Variants in TLCD5 observed in about 807,000 individuals in gnomAD.
The protein encoded by TLCD5 is TLC domain-containing protein 5.
A neutral mutation model predicts 20.5 loss-of-function variants in TLCD5; 15 were observed. The observed-to-expected ratio is 0.73, with a 90% confidence interval of 0.49 to 1.13. The LOEUF (loss-of-function observed/expected upper bound fraction) is 1.13. Among genes scored for constraint, TLCD5 ranks in the 50% most tolerant of loss-of-function variants. The pLI is 0.00. For missense variants in TLCD5, 289 were observed against 305.6 expected (o/e 0.95, Z 0.41); for synonymous variants, 107 against 114.7 (o/e 0.93, Z 0.43).
At chr11:120,329,166 A>G (rs1942093887) in intron 2 of TLCD5, among the ~76,000 whole-genome samples, 1 of 151,406 alleles carries the variant, frequency 6.6e-6, no homozygotes. Flanking sequence ...ATATTGGATT[A>G]CTCTAATTAC....
At chr11:120,328,273 G>A (rs1016743935) in intron 2 of TLCD5, among the ~76,000 whole-genome samples, 2 of 152,014 alleles carry the variant, frequency 1.3e-5, no homozygotes, top group Non-Finnish European at 2.9e-5. Context: ...AGTAGAGATG[G>A]GGTTTCACTG....
intron 2 of TLCD5, 114 bp downstream of exon 2, chr11:120,327,754 A>G: frequency 4.6e-6 from 5 of 1,080,452 alleles, no homozygotes; most frequent in South Asian, 3.7e-5. Flanking sequence ...ATAATTTTGT[A>G]TTGGAATCCT....
chr11:120,328,037 G>A (rs921237093), intron 2 of TLCD5, among the ~76,000 whole-genome samples: 4 of 151,854 alleles, frequency 2.6e-5, no homozygotes, highest in Non-Finnish European at 5.9e-5. Flanking sequence ...AGGATGAGAT[G>A]TTCCTTATCC....
chr11:120,329,977 G>C lies in TLCD5; in HGVS notation c.200G>C (p.Gly67Ala). Residue 67 changes from glycine to alanine, a missense_variant and splice_region_variant, in exon 3 of 3, where the codon GGC becomes GCC. By Grantham distance (60) the Gly-to-Ala change is moderately conservative. Coordinates refer to ENST00000375095, the MANE Select transcript of TLCD5 (RefSeq NM_001198671.2). ...TTGCTTCTGTCTTGGTTTGTTTCAG[G>C]CTCACCCAATACACCTCTCCAAGTT... ...IDGPWPFTHP[G>A]SPNTPLQVHV... 6.2e-7 allele frequency: 1 copy of C among 1,609,418 alleles called. No homozygotes were observed. The highest frequency in any genetic ancestry group is 8.5e-7 in the Non-Finnish European group (1 of 1,176,892).
chr11:120,327,001 C>G (rs1942015431), intron 1 of TLCD5: 1 of 247,046 alleles, frequency 4.0e-6, no homozygotes, highest in Non-Finnish European at 7.9e-6. Flanking sequence ...GTCATGTGAC[C>G]TCTAGCAGAA....
At chr11:120,327,400 G>A in intron 1 of TLCD5, 41 bp from the exon 2 acceptor site, 2 of 1,614,040 alleles carry the variant, frequency 1.2e-6, no homozygotes, top group East Asian at 4.5e-5. Context: ...TTTTCTTAGG[G>A]TGCATCCTTT....
At chr11:120,329,362 C>T (rs1267845936) in intron 2 of TLCD5, among the ~76,000 whole-genome samples, 1 of 152,096 alleles carries the variant, frequency 6.6e-6, no homozygotes, top group Non-Finnish European at 1.5e-5. Context: ...TGAGTTTCCC[C>T]CCAAACTGTC....
chr11:120,326,362 T>A (rs1942001591), intron 1 of TLCD5, among the ~76,000 whole-genome samples: 1 of 152,204 alleles, frequency 6.6e-6, no homozygotes, highest in Non-Finnish European at 1.5e-5. Context: ...AGATGAAAGC[T>A]GTACAGAACT....
At position 120,327,580 on chromosome 11, in the gene TLCD5, T is replaced by A; in HGVS notation, c.139T>A (p.Ser47Thr). The change falls in exon 2 of 3, where the codon TCT becomes ACT. Residue 47 changes from serine (S) to threonine (T), a missense_variant. Ser to Thr is a moderately conservative substitution (Grantham distance 58). Coordinates refer to ENST00000375095, the MANE Select transcript of TLCD5 (RefSeq NM_001198671.2). ...GGTCACCTTCACCCATGGAGTCCTC[T>A]CTATAGGCCTCTCCGCTTATATTGG... ...RLVTFTHGVL[S>T]IGLSAYIGFI... The A allele has an allele frequency of 1.2e-6, 2 of 1,614,196 alleles. No homozygotes were observed. Among genetic ancestry groups the A allele is most frequent in the Non-Finnish European group, 1.7e-6 (2 of 1,180,036 alleles).
Position 120,327,644 on chromosome 11 carries a change from G to A in TLCD5, c.199+4G>A. On this transcript the variant is annotated splice_donor_region_variant and intron_variant, in intron 2 of 2. Coordinates refer to ENST00000375095, the MANE Select transcript of TLCD5 (RefSeq NM_001198671.2). The stretch of plus-strand genomic sequence containing the variant: ...CCATGGCCTTTTACCCACCCAGGTA[G>A]GTAGGGGATTTTCCCTTAGGGATTT... 6.2e-7 allele frequency: 1 copy of A among 1,609,966 alleles called. No homozygotes were observed. The highest frequency in any genetic ancestry group is 1.1e-5 in the South Asian group (1 of 90,240).
chr11:120,328,713 T>TGTGTG (rs1942061936), intron 2 of TLCD5, among the ~76,000 whole-genome samples: 2 of 75,604 alleles, frequency 2.6e-5, no homozygotes, highest in African/African-American at 1.3e-4. Context: ...GTGTGTATGT[T>TGTGTG]TATGTATGCA....
At chr11:120,326,253 C>T (rs1467859997) in intron 1 of TLCD5, among the ~76,000 whole-genome samples, 3 of 151,578 alleles carry the variant, frequency 2.0e-5, no homozygotes, top group Non-Finnish European at 2.9e-5. Context: ...AAGTGATTTG[C>T]CCACACTCTT....
rs1307595808 is a variant in TLCD5 at position 120,327,632 on chromosome 11, C to G, written c.191C>G (p.Thr64Ser). Residue 64 changes from threonine (T) to serine (S), a missense_variant, in exon 2 of 3, where the codon ACC (threonine) becomes AGC (serine). Transcript: ENST00000375095. ...IGFIDGPWPF[T>S]HPGSPNTPLQ... Reference sequence around the variant, plus strand: ...TTCATTGATGGCCCATGGCCTTTTACCCACCCAGGTAGGTAGGGGATTTTC... The same window carrying G: ...TTCATTGATGGCCCATGGCCTTTTAGCCACCCAGGTAGGTAGGGGATTTTC... 6.2e-7 allele frequency: 1 copy of G among 1,613,106 alleles called. No individual in the cohort carries two copies. Among genetic ancestry groups the G allele is most frequent in the African/African-American group, 1.3e-5 (1 of 74,974 alleles).
At position 120,328,842 on chromosome 11, in the gene TLCD5, A is replaced by AGT. The variant is rs67336059; in HGVS notation, c.200-1114_200-1113dup. Among the ~76,000 whole-genome samples the AGT allele has an allele frequency of 4.1e-3, 150 of 36,810 alleles. 5 individuals are homozygous for AGT. Among genetic ancestry groups the AGT allele is most frequent in the East Asian group, 0.015 (21 of 1,364 alleles). The allele number at this position is 36,810 out of a possible 152,430, so 24.1% of individuals were successfully genotyped here. ...AATCCCTTCTAAGGATAACAGTCAT[A>AGT]GTGTGTGTGTGTGTGTGTGTGTATG... On this transcript the variant is annotated intron_variant, in intron 2 of 2. Coordinates refer to ENST00000375095, the MANE Select transcript of TLCD5 (RefSeq NM_001198671.2).
rs1388398001 is a variant in TLCD5 at position 120,328,773 on chromosome 11, T to TGTGTGTGCGCGC, written c.199+1138_199+1139insTGCGCGCGTGTG. On this transcript the variant is annotated intron_variant, in intron 2 of 2. Transcript: ENST00000375095. ...GGATAACAGTCATATTGTGTGTGTG[T>TGTGTGTGCGCGC]GTGTGCGCGTGTATGTTTGTATATG... 2.3e-4 allele frequency among the ~76,000 whole-genome samples: 15 copies of TGTGTGTGCGCGC among 65,530 alleles called. 1 individual carries two copies. Among genetic ancestry groups the TGTGTGTGCGCGC allele is most frequent in the African/African-American group, 8.1e-4 (11 of 13,518 alleles). 43.0% of individuals were successfully genotyped at this position (65,530 alleles called of 152,430 possible).
At chr11:120,328,217 C>A (rs1942044912) in intron 2 of TLCD5, among the ~76,000 whole-genome samples, 1 of 151,916 alleles carries the variant, frequency 6.6e-6, no homozygotes, top group East Asian at 1.9e-4. Context: ...GTAGCTGGGA[C>A]TACAGGTGCC....
rs2135171070 is a variant in TLCD5, at chr11:120,330,265, T to G, written c.488T>G (p.Leu163Arg). Reference protein sequence around the residue: ...HSFTGDVVDFLFVALFTGVRI... With the variant: ...HSFTGDVVDFRFVALFTGVRI... ...TTCACTGGAGATGTAGTGGACTTCCTCTTTGTGGCTCTGTTCACAGGAGTG... is the reference window on the plus strand; with the variant it reads ...TTCACTGGAGATGTAGTGGACTTCCGCTTTGTGGCTCTGTTCACAGGAGTG... The change falls in exon 3 of 3, where the codon CTC becomes CGC. Residue 163 changes from leucine (L) to arginine (R), a missense_variant. Leu to Arg is a moderately radical substitution (Grantham distance 102, BLOSUM62 -2). Transcript: ENST00000375095. The G allele has an allele frequency of 6.4e-7, 1 of 1,554,304 alleles. No individual in the cohort carries two copies. The highest frequency in any genetic ancestry group is 2.4e-5 in the East Asian group (1 of 41,460).
chr11:120,328,132 G>T (rs1942042895), intron 2 of TLCD5, among the ~76,000 whole-genome samples: 1 of 151,820 alleles, frequency 6.6e-6, no homozygotes, highest in Non-Finnish European at 1.5e-5. Context: ...TGTTGCCCAG[G>T]CTGGGGTGCA....
chr11:120,328,713 T>TGTGTTTGTA (rs1942061936), intron 2 of TLCD5, among the ~76,000 whole-genome samples: 1 of 75,626 alleles, frequency 1.3e-5, no homozygotes, highest in South Asian at 4.0e-4. Flanking sequence ...GTGTGTATGT[T>TGTGTTTGTA]TATGTATGCA....
Sources: allele counts gnomAD v4.1 joint callset (sites outside exome capture counted in the v4.1 genomes callset), GRCh38; gene constraint gnomAD v4.1.1; transcripts MANE v1.5; gene names NCBI Gene and HGNC (gene_info 2026-07-23, HGNC 2026-07-21).